The following KCNH5 variants were observed in gnomAD, a reference collection of about 807,000 sequenced individuals.
KCNH5 encodes the protein potassium voltage-gated channel subfamily H member 5.
A neutral mutation model predicts 96.1 loss-of-function variants in KCNH5; 46 were observed. The ratio of observed to expected loss-of-function variants is 0.48; its 90% CI spans 0.38 to 0.61. The LOEUF is 0.61. Ranked by LOEUF, KCNH5 falls within the 20% of genes least tolerant of loss-of-function variation. The pLI, the probability that KCNH5 is intolerant of heterozygous loss-of-function variation, is 0.00. For synonymous variants in KCNH5, 439 were observed against 449.8 expected, an observed-to-expected ratio of 0.98 and a Z score of 0.30; for missense variants, 907 against 1,225.8, an observed-to-expected ratio of 0.74 and a Z score of 3.88.
chr14:62,835,931 G>T (rs897526506), intron 8 of KCNH5, among the ~76,000 whole-genome samples: 3 of 151,880 alleles, frequency 2.0e-5, no homozygotes, highest in Non-Finnish European at 4.4e-5. Context: ...TTCATTACAA[G>T]AATTTTTTTA....
rs538604864 is a variant in KCNH5 at position 63,008,571 on chromosome 14, G to A, written c.198-2099C>T. Among the ~76,000 whole-genome samples, 37 of 151,844 alleles carry A rather than the reference G, an allele frequency of 2.4e-4. No individual in the cohort carries two copies. In the South Asian group the frequency reaches 5.5e-3, roughly 22 times the overall value. Reference sequence around the variant, plus strand: ...GCAGATCAAAGATTGTCCAAGCACCGAGAAACCTGAATCCTTCATTTTTAA... The same window carrying A: ...GCAGATCAAAGATTGTCCAAGCACCAAGAAACCTGAATCCTTCATTTTTAA... On this transcript the variant is annotated intron_variant, in intron 2 of 10. Transcript: ENST00000322893.
intron 1 of KCNH5, among the ~76,000 whole-genome samples, chr14:63,036,190 A>T (rs898621150): frequency 6.6e-6 from 1 of 152,216 alleles, no homozygotes; most frequent in African/African-American, 2.4e-5. Flanking sequence ...TTCTGAGGTC[A>T]GTTAATGAGG....
At chr14:62,891,677 C>T (rs1400765230) in intron 7 of KCNH5, among the ~76,000 whole-genome samples, 1 of 152,150 alleles carries the variant, frequency 6.6e-6, no homozygotes, top group Non-Finnish European at 1.5e-5. Context: ...GTTGTGGCAG[C>T]TCTGCATCAA....
chr14:62,950,002 A>T (rs1297627582), intron 7 of KCNH5, 131 bp downstream of exon 7: 2 of 734,636 alleles, frequency 2.7e-6, no homozygotes, highest in Non-Finnish European at 4.4e-6. Flanking sequence ...TAGATTAAAA[A>T]AAACAATTGC....
Position 62,701,536 on chromosome 14 carries a change from T to C in KCNH5, c.*5972A>G, listed in dbSNP as rs575236868. ...TGTAAAAGCCAGGATGGAAGTGAGC[T>C]GACTATAAAAAGCTTTGGATGGTGT... On this transcript the variant is annotated 3_prime_UTR_variant, in exon 11 of 11. Coordinates refer to ENST00000322893, the MANE Select transcript of KCNH5 (RefSeq NM_139318.5). 15 of 152,278 alleles carry C rather than the reference T, an allele frequency of 9.9e-5. No individual in the cohort carries two copies. The highest frequency in any genetic ancestry group is 3.1e-4 in the African/African-American group (13 of 41,572). The allele number at this position is 152,278 out of a possible 1,614,324, so 9.4% of individuals were successfully genotyped here.
intron 7 of KCNH5, among the ~76,000 whole-genome samples, chr14:62,909,574 T>C (rs934911696): frequency 3.3e-5 from 5 of 152,174 alleles, no homozygotes; most frequent in African/African-American, 1.2e-4. Flanking sequence ...TCAGAAAACA[T>C]CCAGTTACCT....
chr14:62,971,668 A>C (rs1410354492), intron 6 of KCNH5, among the ~76,000 whole-genome samples: 2 of 152,098 alleles, frequency 1.3e-5, no homozygotes, highest in African/African-American at 4.8e-5. Context: ...CAATAGATTA[A>C]CTGATCAGAA....
At chr14:62,728,451 G>T (rs897661759) in intron 10 of KCNH5, among the ~76,000 whole-genome samples, 5 of 151,860 alleles carry the variant, frequency 3.3e-5, no homozygotes, top group Non-Finnish European at 1.5e-5. Context: ...CAGAGGCTAT[G>T]TTCTGGTATT....
At chr14:62,884,990 A>T (rs774158632) in intron 7 of KCNH5, among the ~76,000 whole-genome samples, 5 of 152,224 alleles carry the variant, frequency 3.3e-5, no homozygotes, top group Non-Finnish European at 7.3e-5. Flanking sequence ...ATGCCAGTGT[A>T]CAAAAAACAA....
At chr14:62,947,604 A>G (rs1416216778) in intron 7 of KCNH5, among the ~76,000 whole-genome samples, 1 of 152,116 alleles carries the variant, frequency 6.6e-6, no homozygotes, top group Non-Finnish European at 1.5e-5. Context: ...GCTTAGACTC[A>G]AGATATTAAC....
intron 7 of KCNH5, among the ~76,000 whole-genome samples, chr14:62,874,279 G>GA (rs1007583854): frequency 6.0e-5 from 9 of 150,020 alleles, no homozygotes; most frequent in East Asian, 3.9e-4. Flanking sequence ...AAATTTACAA[G>GA]AAAAAAAAAC....
At chr14:62,884,749 A>T (rs1291532385) in intron 7 of KCNH5, among the ~76,000 whole-genome samples, 2 of 152,246 alleles carry the variant, frequency 1.3e-5, no homozygotes, top group African/African-American at 2.4e-5. Context: ...ACCACAAAGG[A>T]GTAAAAGGTT....
At chr14:62,892,370 A>G (rs1888727898) in intron 7 of KCNH5, among the ~76,000 whole-genome samples, 1 of 152,206 alleles carries the variant, frequency 6.6e-6, no homozygotes, top group African/African-American at 2.4e-5. Flanking sequence ...TGAAGGCTGA[A>G]AGAGGTAAGG....
At chr14:62,728,416 G>T (rs569795355) in intron 10 of KCNH5, among the ~76,000 whole-genome samples, 36 of 149,634 alleles carry the variant, frequency 2.4e-4, no homozygotes, top group African/African-American at 7.8e-4. Context: ...ATGAGAAAAA[G>T]AAAAGAAACC....
At position 62,704,512 on chromosome 14, in the gene KCNH5, A is replaced by T. The variant is rs1404936995; in HGVS notation, c.*2996T>A. On this transcript the variant is annotated 3_prime_UTR_variant, in exon 11 of 11. Transcript: ENST00000322893. ...ATAAAACCTGCCATTATGATACATC[A>T]CTCACATTTCCATTCTAATTTGACT... The T allele has an allele frequency of 6.6e-6, 1 of 151,806 alleles. No individual in the cohort carries two copies. The highest frequency in any genetic ancestry group is 1.5e-5 in the Non-Finnish European group (1 of 67,792). 9.4% of individuals were successfully genotyped at this position (151,806 alleles called of 1,614,324 possible). A position where few individuals can be genotyped will look rare whatever the true frequency, so the allele number is the denominator to read the frequency against.
At chr14:63,021,196 T>A (rs1891419939) in intron 1 of KCNH5, among the ~76,000 whole-genome samples, 1 of 152,054 alleles carries the variant, frequency 6.6e-6, no homozygotes, top group South Asian at 2.1e-4. Context: ...GTCTTGTGAT[T>A]AGGTGAATGC....
At chr14:62,767,647 G>C (rs1462389907) in intron 10 of KCNH5, among the ~76,000 whole-genome samples, 1 of 152,082 alleles carries the variant, frequency 6.6e-6, no homozygotes, top group Admixed American at 6.6e-5. Flanking sequence ...AATAAGAAGG[G>C]AACAATAGAC....
rs1410997055 is a variant in KCNH5 at position 62,853,453 on chromosome 14, A to AATCATATATATATATATATATATATATAT, written c.1370-3602_1370-3601insATATATATATATATATATATATATATGAT. ...AAATCATTTCCCAAACAAAAAGAATAATCATATATATATATATATATATAT... is the reference window on the plus strand; with the variant it reads ...AAATCATTTCCCAAACAAAAAGAATAATCATATATATATATATATATATATATATATCATATATATATATATATATATAT... On this transcript the variant is annotated intron_variant, in intron 7 of 10. Coordinates refer to ENST00000322893, the MANE Select transcript of KCNH5 (RefSeq NM_139318.5). Among the ~76,000 whole-genome samples, 15 of 30,382 alleles carry AATCATATATATATATATATATATATATAT rather than the reference A, an allele frequency of 4.9e-4. No homozygotes were observed. In the East Asian group the frequency reaches 5.5e-3, roughly 11 times the overall value. 19.9% of individuals were successfully genotyped at this position (30,382 alleles called of 152,430 possible). A position where few individuals can be genotyped will look rare whatever the true frequency, so the allele number is the denominator to read the frequency against.
intron 1 of KCNH5, among the ~76,000 whole-genome samples, chr14:63,023,170 T>C (rs952594651): frequency 6.7e-6 from 1 of 149,110 alleles, no homozygotes; most frequent in Non-Finnish European, 1.5e-5. Flanking sequence ...GCCACTGAAC[T>C]ACAGCCTGGG....
Sources: allele counts gnomAD v4.1 joint callset (sites outside exome capture counted in the v4.1 genomes callset), GRCh38; gene constraint gnomAD v4.1.1; transcripts MANE v1.5; gene names NCBI Gene and HGNC (gene_info 2026-07-23, HGNC 2026-07-21).